Variants in TBL1Y observed in about 807,000 individuals in gnomAD.
TBL1Y encodes the protein transducin beta like 1 Y-linked.
Under a neutral mutation model 12.0 loss-of-function variants are expected in TBL1Y, and 15 were observed. That is an observed-to-expected ratio of 1.25 (90% confidence interval 0.83 to 1.92). The LOEUF (loss-of-function observed/expected upper bound fraction) is 1.92. Among genes scored for constraint, TBL1Y ranks in the 40% most tolerant of loss-of-function variants. The pLI, the probability that TBL1Y is intolerant of heterozygous loss-of-function variation, is 0.00. For synonymous variants in TBL1Y, 53 were observed against 42.6 expected (o/e 1.24, Z -0.95); for missense variants, 148 against 116.7 (o/e 1.27, Z -1.24).
intron 6 of TBL1Y, among the ~76,000 whole-genome samples, chrY:7,039,379 T>G (rs775491439): frequency 3.0e-5 from 1 of 33,344 alleles, no homozygotes; most frequent in South Asian, 6.9e-4. Context: ...GAGATTTGCT[T>G]TCTGATGAGG....
At chrY:7,001,038 G>T in intron 4 of TBL1Y, among the ~76,000 whole-genome samples, 1 of 32,953 alleles carries the variant, frequency 3.0e-5, no homozygotes, top group Non-Finnish European at 7.5e-5. Context: ...GTTAGGGAGG[G>T]TGGCCCAGGT....
At chrY:7,032,654 C>A in intron 6 of TBL1Y, among the ~76,000 whole-genome samples, 2 of 33,367 alleles carry the variant, frequency 6.0e-5, no homozygotes, top group African/African-American at 2.3e-4. Flanking sequence ...AGGCTATTAT[C>A]CCTCAGTGGA....
Position 7,079,132 on chromosome Y carries a change from A to G in TBL1Y, c.956-1600A>G, listed in dbSNP as rs770937092. Reference sequence around the variant, plus strand: ...ATGAGAGTGCAGGGTTGCACCTGCTATGGGAACTTCCACACCCCCAGCTCA... The same window carrying G: ...ATGAGAGTGCAGGGTTGCACCTGCTGTGGGAACTTCCACACCCCCAGCTCA... On this transcript the variant is annotated intron_variant, in intron 13 of 18. Transcript: ENST00000383032. 3.0e-3 allele frequency among the ~76,000 whole-genome samples: 103 copies of G among 34,183 alleles called. No individual in the cohort carries two copies. The East Asian group carries it at 0.062, about 21-fold the overall frequency. 91.7% of individuals were successfully genotyped at this position (34,183 alleles called of 37,273 possible). A position where few individuals can be genotyped will look rare whatever the true frequency, so the allele number is the denominator to read the frequency against.
At chrY:7,080,067 T>G (rs2013085833) in intron 13 of TBL1Y, among the ~76,000 whole-genome samples, 1 of 20,537 alleles carries the variant, frequency 4.9e-5, no homozygotes, top group Non-Finnish European at 1.1e-4. Context: ...TTTTTTTTTT[T>G]TTTTTTTTTT....
At chrY:7,019,233 GTAA>G (rs2012570624) in intron 4 of TBL1Y, among the ~76,000 whole-genome samples, 29 of 33,451 alleles carry the variant, frequency 8.7e-4, no homozygotes, top group African/African-American at 3.3e-3. Flanking sequence ...CTAATAATTT[GTAA>G]TAATAATAAC....
At position 7,090,124 on chromosome Y, in the gene TBL1Y, C is replaced by A. The variant is rs34137545; in HGVS notation, c.1482C>A (p.Gly494=). 39 of 396,513 alleles carry A rather than the reference C, an allele frequency of 9.8e-5. No individual in the cohort carries two copies. The African/African-American group carries it at 2.0e-3, about 21-fold the overall frequency. Residue 494 remains glycine, a synonymous_variant, in exon 18 of 19, where the codon GGC becomes GGA. Coordinates refer to ENST00000383032, the MANE Select transcript of TBL1Y (RefSeq NM_033284.2). ...GSLVHSYQGT[G]GIFEVCWNAR... is the part of the protein sequence containing the mutation. ...TCGTCCACAGCTACCAAGGCACTGGCGGTATCTTCGAGGTGTGCTGGAACG... is the reference window on the plus strand; with the variant it reads ...TCGTCCACAGCTACCAAGGCACTGGAGGTATCTTCGAGGTGTGCTGGAACG...
chrY:7,022,129 T>G, intron 5 of TBL1Y, among the ~76,000 whole-genome samples: 1 of 33,269 alleles, frequency 3.0e-5, no homozygotes, highest in African/African-American at 1.2e-4. Context: ...AAACTAAAAC[T>G]AAGACCTGCA....
chrY:6,955,954 G>A (rs2012067203), intron 2 of TBL1Y, among the ~76,000 whole-genome samples: 2 of 33,845 alleles, frequency 5.9e-5, no homozygotes, highest in Non-Finnish European at 1.5e-4. Context: ...ACAAAATGAA[G>A]CTTTAACATC....
intron 3 of TBL1Y, among the ~76,000 whole-genome samples, chrY:6,988,665 C>CATAA (rs201788457): frequency 0.085 from 2,295 of 26,925 alleles, no homozygotes; most frequent in East Asian, 0.7. Flanking sequence ...GCCTCAAAAA[C>CATAA]ATAAATAAAT....
chrY:7,091,287 G>A (rs987696147), intron 18 of TBL1Y, among the ~76,000 whole-genome samples, 185 bp from the exon 19 acceptor site: 3 of 33,409 alleles, frequency 9.0e-5, no homozygotes, highest in Non-Finnish European at 2.2e-4. Flanking sequence ...TTGGTCCAAT[G>A]TCCATATGCC....
intron 6 of TBL1Y, among the ~76,000 whole-genome samples, chrY:7,039,811 C>T: frequency 6.1e-5 from 2 of 32,834 alleles, no homozygotes; most frequent in Admixed American, 2.8e-4. Flanking sequence ...TACTTTTTAT[C>T]TCCACATTGC....
intron 4 of TBL1Y, among the ~76,000 whole-genome samples, chrY:7,009,173 A>G: frequency 2.9e-5 from 1 of 34,077 alleles, no homozygotes; most frequent in Admixed American, 2.7e-4. Flanking sequence ...TCTTACAAGC[A>G]TGGACATGCT....
At chrY:7,050,828 T>TACACACAC (rs1404234228) in intron 7 of TBL1Y, among the ~76,000 whole-genome samples, 2 of 18,060 alleles carry the variant, frequency 1.1e-4, no homozygotes, top group East Asian at 1.7e-3. Flanking sequence ...ACATCATGGA[T>TACACACAC]ACACACACAC....
chrY:7,074,761 TAGACGTGGTCTAGG>T, intron 13 of TBL1Y, 141 bp downstream of exon 13: 1 of 163,022 alleles, frequency 6.1e-6, no homozygotes, highest in Non-Finnish European at 1.1e-5. Context: ...GTGAGACTCC[TAGACGTGGTCTAGG>T]AGTTCAAGAC....
chrY:7,039,858 G>A (rs2012713690), intron 6 of TBL1Y, among the ~76,000 whole-genome samples: 2 of 33,089 alleles, frequency 6.0e-5, no homozygotes, highest in African/African-American at 2.4e-4. Context: ...ATGAGGCAAT[G>A]TGGACCAGGC....
At chrY:6,982,807 C>T in intron 3 of TBL1Y, among the ~76,000 whole-genome samples, 1 of 33,228 alleles carries the variant, frequency 3.0e-5, no homozygotes, top group Admixed American at 2.7e-4. Flanking sequence ...AGCTAGTGAG[C>T]GATTACCACT....
chrY:7,086,589 C>T, intron 16 of TBL1Y, among the ~76,000 whole-genome samples, 172 bp downstream of exon 16: 1 of 32,732 alleles, frequency 3.1e-5, no homozygotes. Context: ...GGTTTTGGCC[C>T]AGGTGCCATG....
intron 8 of TBL1Y, among the ~76,000 whole-genome samples, chrY:7,068,712 G>A (rs765557628): frequency 2.0e-4 from 6 of 30,129 alleles, no homozygotes; most frequent in African/African-American, 7.8e-4. Context: ...CTGTTTGTGA[G>A]CCACAGCCTG....
intron 4 of TBL1Y, among the ~76,000 whole-genome samples, chrY:6,996,660 C>T (rs2012413531): frequency 6.1e-5 from 2 of 32,885 alleles, no homozygotes; most frequent in Non-Finnish European, 1.5e-4. Flanking sequence ...GCTGAGATCA[C>T]ACCACTGCAC....
Sources: allele counts gnomAD v4.1 joint callset (sites outside exome capture counted in the v4.1 genomes callset), GRCh38; gene constraint gnomAD v4.1.1; transcripts MANE v1.5; gene names NCBI Gene and HGNC (gene_info 2026-07-23, HGNC 2026-07-21).